Variants in LTV1 observed in about 807,000 individuals in gnomAD.
The protein encoded by LTV1 is protein LTV1 homolog.
Under a neutral mutation model 59.9 loss-of-function variants are expected in LTV1, and 39 were observed. That is an observed-to-expected ratio of 0.65 (90% CI 0.50 to 0.85). The LOEUF is 0.85. Among genes scored for constraint, LTV1 ranks in the 40% least tolerant of loss-of-function variants. LTV1 has a pLI of 0.00. For synonymous variants in LTV1, 171 were observed against 189.5 expected (o/e 0.90, Z 0.80); for missense variants, 493 against 549.1 (o/e 0.90, Z 1.02).
At chr6:143,859,890 GC>G (rs1777135036) in intron 6 of LTV1, among the ~76,000 whole-genome samples, 1 of 152,098 alleles carries the variant, frequency 6.6e-6, no homozygotes, top group Non-Finnish European at 1.5e-5. Flanking sequence ...GATCACTTGA[GC>G]CTAGGAGTTT....
intron 3 of LTV1, 100 bp downstream of exon 3, chr6:143,846,324 C>T: frequency 3.5e-6 from 4 of 1,127,452 alleles, no homozygotes; most frequent in Non-Finnish European, 5.1e-6. Context: ...GTATGAAGAG[C>T]ACAAAGATAG....
At position 143,858,118 on chromosome 6, in the gene LTV1, CA is replaced by C; in HGVS notation, c.795+112del. ...AGTGCTCACCAACCACAAAGTCAATCATAGGAAGTTTACAACTATCCAGCTA... is the reference window on the plus strand; with the variant it reads ...AGTGCTCACCAACCACAAAGTCAATCTAGGAAGTTTACAACTATCCAGCTA... On this transcript the variant is annotated intron_variant, in intron 6 of 10. Coordinates refer to ENST00000367576, the MANE Select transcript of LTV1 (RefSeq NM_032860.5). 4.0e-6 allele frequency: 4 copies of C among 994,866 alleles called. No homozygotes were observed. The South Asian group carries it at 6.1e-5, about 15-fold the overall frequency. The allele number at this position is 994,866 out of a possible 1,614,324, so 61.6% of individuals were successfully genotyped here. A position where few individuals can be genotyped will look rare whatever the true frequency, so the allele number is the denominator to read the frequency against.
chr6:143,853,741 C>A (rs1000637476), intron 4 of LTV1, among the ~76,000 whole-genome samples: 1 of 152,132 alleles, frequency 6.6e-6, no homozygotes. Context: ...TGGTTTTTGT[C>A]ATTGGTTCTG....
chr6:143,857,163 G>A lies in LTV1; in HGVS notation c.398-140G>A. 2 of 1,017,080 alleles carry A rather than the reference G, an allele frequency of 2.0e-6. No individual in the cohort carries two copies. Among genetic ancestry groups the A allele is most frequent in the South Asian group, 1.6e-5 (1 of 63,764 alleles). The allele number at this position is 1,017,080 out of a possible 1,614,324, so 63.0% of individuals were successfully genotyped here. A position where few individuals can be genotyped will look rare whatever the true frequency, so the allele number is the denominator to read the frequency against. The stretch of plus-strand genomic sequence containing the variant: ...AGTGTTCATTCTTTATTCTTCACTA[G>A]ACTGAACTTAGTTCTTAATCGTTCT... On this transcript the variant is annotated intron_variant, in intron 4 of 10. Transcript: ENST00000367576. This position sits in a 1 kb window ranked among gnomAD's most constrained non-coding sequence, Gnocchi z 5.2.
At chr6:143,846,282 A>C in intron 3 of LTV1, 58 bp downstream of exon 3, 1 of 1,519,292 alleles carries the variant, frequency 6.6e-7, no homozygotes, top group Non-Finnish European at 9.0e-7. Context: ...TTTTTGAATC[A>C]AGATATCTGT....
rs889301492 is a variant in LTV1, at chr6:143,853,246, C to A, written c.397+3028C>A. Among the ~76,000 whole-genome samples the A allele has an allele frequency of 2.0e-5, 3 of 152,036 alleles. No homozygotes were observed. The East Asian group carries it at 5.8e-4, about 29-fold the overall frequency. ...TTGTAGCAATTGTGAATGGGAGTTC[C>A]CTCACAATTTGGCTCTCTGTTTGTC... On this transcript the variant is annotated intron_variant, in intron 4 of 10. Transcript: ENST00000367576.
intron 6 of LTV1, 60 bp from the exon 7 acceptor site, chr6:143,860,364 AGT>A: frequency 2.0e-6 from 3 of 1,478,532 alleles, no homozygotes; most frequent in East Asian, 4.6e-5. Context: ...AAAATTTTTA[AGT>A]GTGTAGTCTT....
chr6:143,843,555 T>G, intron 1 of LTV1, 75 bp downstream of exon 1: 2 of 1,590,530 alleles, frequency 1.3e-6, no homozygotes, highest in South Asian at 1.1e-5. Context: ...GGTAATACCT[T>G]GGCTACTGCG....
intron 3 of LTV1, among the ~76,000 whole-genome samples, chr6:143,848,254 C>T (rs1776926282): frequency 6.6e-6 from 1 of 152,142 alleles, no homozygotes; most frequent in African/African-American, 2.4e-5. Flanking sequence ...ACCTAAAAGA[C>T]TATGTAGATT....
Position 143,857,331 on chromosome 6 carries a change from TG to T in LTV1, c.427del (p.Val143LeufsTer84). The T allele has an allele frequency of 2.5e-6, 4 of 1,613,860 alleles. No individual in the cohort carries two copies. The highest frequency in any genetic ancestry group is 3.4e-6 in the Non-Finnish European group (4 of 1,179,744). ...CTCGACTGGATTTTGATCCTGACAT[TG>T]TTGCAGCTCTTGATGATGATTTTGA... The part of the protein sequence containing the change: ...GPRLDFDPDI[V>X]AALDDDFDFD... On this transcript the variant is annotated frameshift_variant, in exon 5 of 11. Transcript: ENST00000367576. LOFTEE classifies it high-confidence loss of function. This position sits in a 1 kb window ranked among gnomAD's most constrained non-coding sequence, Gnocchi z 5.2.
intron 1 of LTV1, among the ~76,000 whole-genome samples, 179 bp downstream of exon 1, chr6:143,843,659 C>T (rs368747582): frequency 6.6e-6 from 1 of 152,218 alleles, no homozygotes; most frequent in African/African-American, 2.4e-5. Flanking sequence ...AAGTTACAGT[C>T]TCCCACCGCC....
rs1463652073 is a variant in LTV1 at position 143,863,336 on chromosome 6, AAATTAGGGG to A, written c.1317+55_1317+63del. On this transcript the variant is annotated intron_variant, in intron 10 of 10. Transcript: ENST00000367576. The surrounding 1 kb of genome is among the most constrained non-coding windows in gnomAD (Gnocchi z 4.5). ...GATTTACAAAGAGCTGGTGGAGGGG[AAATTAGGGG>A]AATTTTGTAAAAGCAGTCTGTATCA... 17 of 1,598,532 alleles carry A rather than the reference AAATTAGGGG, an allele frequency of 1.1e-5. No homozygotes were observed. The highest frequency in any genetic ancestry group is 1.5e-5 in the Non-Finnish European group (17 of 1,168,512).
intron 4 of LTV1, among the ~76,000 whole-genome samples, chr6:143,853,019 T>C (rs576897564): frequency 6.6e-6 from 1 of 152,324 alleles, no homozygotes; most frequent in South Asian, 2.1e-4. Context: ...TCCAGCTTTG[T>C]TCTTTCTGCT....
Position 143,863,393 on chromosome 6 carries a change from A to G in LTV1, c.1318-24A>G, listed in dbSNP as rs1316972431. On this transcript the variant is annotated intron_variant, in intron 10 of 10. Coordinates refer to ENST00000367576, the MANE Select transcript of LTV1 (RefSeq NM_032860.5). This position sits in a 1 kb window ranked among gnomAD's most constrained non-coding sequence, Gnocchi z 4.5. ...TCAGTTTAAAGATGTGAATAATACA[A>G]GTATATTCTTGTACTTATAACAGGA... is the stretch of plus-strand genomic sequence containing the variant. 1.9e-6 allele frequency: 3 copies of G among 1,598,918 alleles called. No homozygotes were observed. The highest frequency in any genetic ancestry group is 2.6e-6 in the Non-Finnish European group (3 of 1,167,348).
chr6:143,851,212 A>G (rs1052387838), intron 4 of LTV1, among the ~76,000 whole-genome samples: 1 of 152,222 alleles, frequency 6.6e-6, no homozygotes, highest in African/African-American at 2.4e-5. Context: ...GCCATGTCAG[A>G]TGATAAATTT....
At position 143,850,223 on chromosome 6, in the gene LTV1, T is replaced by G; in HGVS notation, c.397+5T>G. 6.2e-7 allele frequency: 1 copy of G among 1,602,406 alleles called. No homozygotes were observed. Among genetic ancestry groups the G allele is most frequent in the Non-Finnish European group, 8.5e-7 (1 of 1,170,270 alleles). ...ATAAAGCAGCTCCAGTTTCAGGTAT[T>G]TTTAATTGCTTTATCTTTTCATATG... On this transcript the variant is annotated splice_donor_5th_base_variant and intron_variant, in intron 4 of 10. Transcript: ENST00000367576.
intron 4 of LTV1, among the ~76,000 whole-genome samples, chr6:143,852,367 C>T (rs1470939118): frequency 1.3e-5 from 2 of 152,174 alleles, no homozygotes; most frequent in African/African-American, 4.8e-5. Flanking sequence ...GCATAAATGT[C>T]TTCATTTGAG....
chr6:143,853,206 G>C (rs945258444), intron 4 of LTV1, among the ~76,000 whole-genome samples: 2 of 152,136 alleles, frequency 1.3e-5, no homozygotes, highest in African/African-American at 2.4e-5. Flanking sequence ...TGGATTCCTA[G>C]GTATTTTATT....
chr6:143,849,661 G>T (rs765392498), intron 3 of LTV1, among the ~76,000 whole-genome samples: 5 of 152,212 alleles, frequency 3.3e-5, no homozygotes, highest in Non-Finnish European at 7.4e-5. Flanking sequence ...GAATGTAGTT[G>T]TAATAGTTTC....
Sources: gnomAD v4.1 joint callset for allele counts (sites outside exome capture counted in the v4.1 genomes callset) on GRCh38, gnomAD v4.1.1 for gene constraint, Gnocchi (gnomAD v3.1) non-coding constraint, MANE v1.5 for transcripts, NCBI Gene and HGNC (gene_info 2026-07-23, HGNC 2026-07-21) for gene names.